The following WARS2 variants were observed in gnomAD, a reference collection of about 807,000 sequenced individuals.
WARS2 encodes tryptophanyl tRNA synthetase 2, mitochondrial.
In WARS2, 28 loss-of-function variants were observed where a neutral mutation model predicts 36.5. The ratio of observed to expected loss-of-function variants is 0.77; its 90% CI spans 0.57 to 1.05. The LOEUF (loss-of-function observed/expected upper bound fraction) is 1.05. WARS2 is among the 50% of genes least tolerant of loss of function. WARS2 has a pLI of 0.00. For synonymous variants in WARS2, 174 were observed against 178.4 expected (o/e 0.98, Z 0.20); for missense variants, 435 against 456.8 (o/e 0.95, Z 0.44).
chr1:119,135,743 TAGATAGATAGAGAGATAG>T (rs1381993613), intron 1 of WARS2, among the ~76,000 whole-genome samples: 14 of 115,226 alleles, frequency 1.2e-4, no homozygotes, highest in African/African-American at 3.8e-4. Context: ...GATAGATAGA[TAGATAGATAGAGAGATAG>T]AGAGAGAGAG....
chr1:119,101,166 T>C (rs1291121704), intron 1 of WARS2, among the ~76,000 whole-genome samples: 1 of 152,140 alleles, frequency 6.6e-6, no homozygotes, highest in East Asian at 1.9e-4. Context: ...AGGGTGACTA[T>C]AGTTAACAAA....
At chr1:119,043,800 G>C (rs1379930383) in intron 3 of WARS2, among the ~76,000 whole-genome samples, 1 of 152,308 alleles carries the variant, frequency 6.6e-6, no homozygotes, top group East Asian at 1.9e-4. Context: ...AATGTGGAGA[G>C]CATTAATATT....
intron 1 of WARS2, among the ~76,000 whole-genome samples, chr1:119,107,389 C>T (rs1654311859): frequency 6.6e-6 from 1 of 152,074 alleles, no homozygotes; most frequent in African/African-American, 2.4e-5. Flanking sequence ...CCTATGCTGT[C>T]TCCTACGTGG....
chr1:119,079,970 T>TGA (rs1003472713), intron 1 of WARS2, among the ~76,000 whole-genome samples: 1 of 151,666 alleles, frequency 6.6e-6, no homozygotes, highest in African/African-American at 2.4e-5. Flanking sequence ...ACTTGAGAAT[T>TGA]GAGAGAGAGA....
chr1:119,138,414 T>C (rs1335078231), intron 1 of WARS2, among the ~76,000 whole-genome samples: 2 of 152,196 alleles, frequency 1.3e-5, no homozygotes, highest in African/African-American at 4.8e-5. Context: ...TAAAGATCTG[T>C]ATAAAGATTT....
intron 1 of WARS2, among the ~76,000 whole-genome samples, chr1:119,088,924 A>G (rs993301348): frequency 6.6e-6 from 1 of 152,150 alleles, no homozygotes; most frequent in Non-Finnish European, 1.5e-5. Flanking sequence ...GATCTTTCCT[A>G]CCAGAAAGTC....
At chr1:119,068,540 C>T (rs759967424) in intron 2 of WARS2, among the ~76,000 whole-genome samples, 2 of 152,150 alleles carry the variant, frequency 1.3e-5, no homozygotes, top group Non-Finnish European at 2.9e-5. Flanking sequence ...TTTGGACCCT[C>T]GTAACACAAT....
rs368914534 is a variant in WARS2, at chr1:119,033,197, G to A, written c.797C>T (p.Pro266Leu). 1.4e-5 allele frequency: 23 copies of A among 1,614,024 alleles called. No homozygotes were observed. Among genetic ancestry groups the A allele is most frequent in the Middle Eastern group, 3.3e-4 (2 of 6,084 alleles). ...GTTGGACACGCCAGCGCGGCCAGCC[G>A]GGTCATAGGTGACCTCCGAGGTGAA... ...TDFTSEVTYD[P>L]AGRAGVSNIV... Residue 266 changes from proline to leucine, a missense_variant, in exon 6 of 6, where the codon CCG (proline) becomes CTG (leucine). Coordinates refer to ENST00000235521, the MANE Select transcript of WARS2 (RefSeq NM_015836.4).
intron 1 of WARS2, among the ~76,000 whole-genome samples, chr1:119,105,149 GA>G (rs1654146373): frequency 6.6e-6 from 1 of 152,142 alleles, no homozygotes; most frequent in Admixed American, 6.5e-5. Flanking sequence ...ACCTGGAAGG[GA>G]ATTTCAATAA....
At chr1:119,040,787 T>C (rs1179950636) in intron 4 of WARS2, among the ~76,000 whole-genome samples, 5 of 152,242 alleles carry the variant, frequency 3.3e-5, no homozygotes, top group African/African-American at 1.2e-4. Context: ...ATTCCCGTTT[T>C]ACAGGTGAGA....
intron 3 of WARS2, among the ~76,000 whole-genome samples, chr1:119,044,133 T>C (rs1004910955): frequency 2.0e-5 from 3 of 152,210 alleles, no homozygotes; most frequent in Non-Finnish European, 2.9e-5. Context: ...ACAGAAGATA[T>C]CACTAGTATT....
intron 2 of WARS2, chr1:119,064,197 G>C (rs1650640860): frequency 2.8e-5 from 2 of 72,626 alleles, no homozygotes; most frequent in Non-Finnish European, 5.4e-5. Context: ...CTGCCCCACT[G>C]ATCTTGGACT....
intron 4 of WARS2, among the ~76,000 whole-genome samples, chr1:119,036,351 C>T (rs1571252527): frequency 6.6e-6 from 1 of 152,202 alleles, no homozygotes; most frequent in East Asian, 1.9e-4. Flanking sequence ...CAAAAATATT[C>T]CTTTTTATGT....
intron 2 of WARS2, among the ~76,000 whole-genome samples, chr1:119,057,796 A>C (rs1407563290): frequency 6.6e-6 from 1 of 152,104 alleles, no homozygotes; most frequent in Non-Finnish European, 1.5e-5. Flanking sequence ...CTGAGAAGAA[A>C]AAAAAAAGAA....
intron 2 of WARS2, among the ~76,000 whole-genome samples, chr1:119,052,672 C>T (rs1156857173): frequency 1.3e-5 from 2 of 152,120 alleles, no homozygotes; most frequent in Admixed American, 1.3e-4. Context: ...GCTTATTGTG[C>T]TTGTGTGTGT....
intron 1 of WARS2, among the ~76,000 whole-genome samples, chr1:119,122,620 T>C (rs1007692647): frequency 5.3e-5 from 8 of 152,100 alleles, no homozygotes; most frequent in East Asian, 3.9e-4. Flanking sequence ...CAATTCACAA[T>C]TGCAAAAATA....
chr1:119,036,870 A>G (rs997714138), intron 4 of WARS2, among the ~76,000 whole-genome samples: 4 of 152,080 alleles, frequency 2.6e-5, no homozygotes, highest in African/African-American at 9.7e-5. Flanking sequence ...ATCTGATTTT[A>G]GTGTGTTTGT....
chr1:119,066,211 C>T (rs1427423667), intron 2 of WARS2, among the ~76,000 whole-genome samples: 1 of 152,094 alleles, frequency 6.6e-6, no homozygotes, highest in African/African-American at 2.4e-5. Flanking sequence ...GGTGCGGTGG[C>T]TCACGCCTGT....
chr1:119,093,811 A>T, intron 1 of WARS2, among the ~76,000 whole-genome samples: 1 of 152,186 alleles, frequency 6.6e-6, no homozygotes, highest in East Asian at 1.9e-4. Context: ...AATGTCTTAA[A>T]CTGATAAGGT....
Sources: gnomAD v4.1 joint callset for allele counts (sites outside exome capture counted in the v4.1 genomes callset) on GRCh38, gnomAD v4.1.1 for gene constraint, MANE v1.5 for transcripts, NCBI Gene and HGNC (gene_info 2026-07-23, HGNC 2026-07-21) for gene names.